MGAT5: variants seen among roughly 807,000 people sequenced by gnomAD.
MGAT5 encodes the protein alpha-1,6-mannosylglycoprotein 6-beta-N-acetylglucosaminyltransferase, also known as alpha-1,6-mannosylglycoprotein 6-beta-N-acetylglucosaminyltransferase A.
A neutral mutation model predicts 94.3 loss-of-function variants in MGAT5; 30 were observed. The ratio of observed to expected loss-of-function variants is 0.32; its 90% CI spans 0.24 to 0.43. MGAT5 has a LOEUF of 0.43. MGAT5 is among the 20% of genes least tolerant of loss of function. MGAT5 has a pLI of 1.00. For synonymous variants in MGAT5, 310 were observed against 322.9 expected (o/e 0.96, Z 0.43); for missense variants, 691 against 905.5 (o/e 0.76, Z 3.04).
chr2:134,315,207 G>T (rs1368739032), intron 2 of MGAT5, among the ~76,000 whole-genome samples: 2 of 152,104 alleles, frequency 1.3e-5, no homozygotes, highest in African/African-American at 4.8e-5. Context: ...CCTCTAGATG[G>T]CAGTGAATAT....
intron 1 of MGAT5, among the ~76,000 whole-genome samples, chr2:134,246,948 AC>A (rs1423780816): frequency 8.5e-5 from 13 of 152,214 alleles, no homozygotes; most frequent in Admixed American, 8.5e-4. Flanking sequence ...TGATTGTTAG[AC>A]CAGGGAGATG....
At chr2:134,173,487 A>T (rs72843955) in intron 1 of MGAT5, among the ~76,000 whole-genome samples, 1 of 152,194 alleles carries the variant, frequency 6.6e-6, no homozygotes, top group African/African-American at 2.4e-5. Context: ...TCACGCCAGT[A>T]TCTGCACCCC....
intron 4 of MGAT5, among the ~76,000 whole-genome samples, chr2:134,319,078 C>G (rs760203842): frequency 3.9e-5 from 6 of 152,172 alleles, no homozygotes; most frequent in Middle Eastern, 3.2e-3. Flanking sequence ...ACCACTGTCC[C>G]TCTCTAGAAT....
At chr2:134,410,750 C>T (rs1268495231) in intron 11 of MGAT5, among the ~76,000 whole-genome samples, 1 of 152,164 alleles carries the variant, frequency 6.6e-6, no homozygotes, top group Non-Finnish European at 1.5e-5. Flanking sequence ...TCCTCCAAAG[C>T]TGTTCTTTGA....
At chr2:134,309,638 C>T (rs1348989070) in intron 2 of MGAT5, among the ~76,000 whole-genome samples, 1 of 152,112 alleles carries the variant, frequency 6.6e-6, no homozygotes, top group African/African-American at 2.4e-5. Context: ...TGTGTGTGCT[C>T]CTAGGTGTGT....
intron 1 of MGAT5, among the ~76,000 whole-genome samples, chr2:134,125,866 A>G (rs2104881183): frequency 6.6e-6 from 1 of 152,308 alleles, no homozygotes. Context: ...TTGACATGAT[A>G]AGAATCCAGT....
At chr2:134,448,414 C>T (rs1478571138) in intron 15 of MGAT5, among the ~76,000 whole-genome samples, 1 of 152,190 alleles carries the variant, frequency 6.6e-6, no homozygotes, top group Non-Finnish European at 1.5e-5. Flanking sequence ...CTTCACTAGG[C>T]AGCCTCAAAC....
chr2:134,245,161 T>C (rs909736061), intron 1 of MGAT5, among the ~76,000 whole-genome samples: 8 of 152,076 alleles, frequency 5.3e-5, no homozygotes, highest in South Asian at 2.1e-4. Flanking sequence ...TGCAGGCGCC[T>C]GCCACCACGC....
upstream of MGAT5, among the ~76,000 whole-genome samples, chr2:134,249,326 A>G (rs1414353244): frequency 2.0e-5 from 3 of 150,842 alleles, no homozygotes; most frequent in Admixed American, 2.0e-4. Flanking sequence ...CCACAGAATT[A>G]TGCTCCTATC....
At chr2:134,184,922 A>G (rs564074183) in intron 1 of MGAT5, among the ~76,000 whole-genome samples, 14 of 152,222 alleles carry the variant, frequency 9.2e-5, no homozygotes, top group South Asian at 2.1e-4. Context: ...TTTTATTTCA[A>G]TAGTTTGGGG....
intron 2 of MGAT5, among the ~76,000 whole-genome samples, chr2:134,287,575 A>G (rs976700956): frequency 1.3e-5 from 2 of 152,180 alleles, no homozygotes; most frequent in African/African-American, 4.8e-5. Context: ...TTGGACCCTA[A>G]ATGTCTATTT....
intron 1 of MGAT5, among the ~76,000 whole-genome samples, chr2:134,123,978 C>T (rs575918525): frequency 6.6e-6 from 1 of 152,262 alleles, no homozygotes; most frequent in South Asian, 2.1e-4. Context: ...ATGATCTCTC[C>T]AACCCTTAAA....
intron 10 of MGAT5, among the ~76,000 whole-genome samples, chr2:134,395,958 C>T (rs1682682260): frequency 6.6e-6 from 1 of 152,232 alleles, no homozygotes; most frequent in African/African-American, 2.4e-5. Flanking sequence ...GAGGCCAGTA[C>T]ATGAAAGGAA....
At chr2:134,228,000 AAGG>A (rs769758615) in intron 1 of MGAT5, among the ~76,000 whole-genome samples, 2 of 152,226 alleles carry the variant, frequency 1.3e-5, no homozygotes, top group African/African-American at 2.4e-5. Flanking sequence ...ATCAAGACTC[AAGG>A]AGATGATTTC....
chr2:134,205,301 G>T (rs1353445689), intron 1 of MGAT5, among the ~76,000 whole-genome samples: 1 of 152,186 alleles, frequency 6.6e-6, no homozygotes, highest in Non-Finnish European at 1.5e-5. Flanking sequence ...GCTAGAGCAG[G>T]CAGGAAGACG....
At chr2:134,231,954 TA>T (rs1232251020) in intron 1 of MGAT5, among the ~76,000 whole-genome samples, 4 of 152,292 alleles carry the variant, frequency 2.6e-5, no homozygotes, top group African/African-American at 9.6e-5. Context: ...GATATAGTAC[TA>T]TTGCTCTGTG....
chr2:134,397,965 G>C (rs1030606459), intron 10 of MGAT5, among the ~76,000 whole-genome samples: 2 of 152,184 alleles, frequency 1.3e-5, no homozygotes, highest in African/African-American at 4.8e-5. Context: ...CTGTGGCCTT[G>C]TGTTTCTTAA....
chr2:134,257,263 T>C (rs1019242417), intron 1 of MGAT5, among the ~76,000 whole-genome samples: 2 of 152,174 alleles, frequency 1.3e-5, no homozygotes, highest in African/African-American at 4.8e-5. Context: ...GATGGAGTCT[T>C]GCGTTGTTGC....
At chr2:134,331,612 G>C (rs1281857499) in intron 4 of MGAT5, among the ~76,000 whole-genome samples, 3 of 152,086 alleles carry the variant, frequency 2.0e-5, no homozygotes, top group Admixed American at 1.3e-4. Context: ...AGATGGCGTT[G>C]ACGGCAGGGG....
Sources: allele counts gnomAD v4.1 joint callset (sites outside exome capture counted in the v4.1 genomes callset), GRCh38; gene constraint gnomAD v4.1.1; transcripts MANE v1.5; gene names NCBI Gene and HGNC (gene_info 2026-07-23, HGNC 2026-07-21).